The following ERICH5 variants were observed in gnomAD, a reference collection of about 807,000 sequenced individuals.
The protein encoded by ERICH5 is glutamate-rich protein 5.
ERICH5 carries 24 observed loss-of-function variants against 28.0 expected under a neutral mutation model. The observed-to-expected ratio is 0.86, with a 90% CI of 0.62 to 1.21. The LOEUF is 1.21. ERICH5 is among the 50% of genes most tolerant of loss of function. The pLI is 0.00. For missense variants in ERICH5, 421 were observed against 441.2 expected (o/e 0.95, Z 0.41); for synonymous variants, 163 against 157.6 (o/e 1.03, Z -0.25).
chr8:98,089,537 G>A lies in ERICH5; in HGVS notation c.520G>A (p.Glu174Lys), dbSNP rs1238661924. 1.2e-6 allele frequency: 2 copies of A among 1,614,042 alleles called. No homozygotes were observed. Among genetic ancestry groups the A allele is most frequent in the East Asian group, 2.2e-5 (1 of 44,900 alleles). ...AGAGAAGGACTCTCTCAGAGCAGTG[G>A]AGGTCACTGAGAATCCACAAACTGC... Reference protein sequence around the residue: ...AVEKDSLRAVEVTENPQTAAE... With the variant: ...AVEKDSLRAVKVTENPQTAAE... The change falls in exon 2 of 3, where the codon GAG (glutamate) becomes AAG (lysine). Residue 174 changes from glutamate (E) to lysine (K), a missense_variant. Physicochemically the swap from Glu to Lys is moderately conservative, Grantham distance 56. Transcript: ENST00000318528.
Position 98,085,136 on chromosome 8 carries a change from C to CTTTTTTTTTTTTTTTTTTTTTTTTTTTTT in ERICH5, c.59-3926_59-3898dup. On this transcript the variant is annotated intron_variant, in intron 1 of 2. Coordinates refer to ENST00000318528, the MANE Select transcript of ERICH5 (RefSeq NM_173549.3). ...TTCCCTGGTGTGAACGTTCCACAGCCTTTTTTTTTTTTTTTTTTTTTTTTT... is the reference window on the plus strand; with the variant it reads ...TTCCCTGGTGTGAACGTTCCACAGCCTTTTTTTTTTTTTTTTTTTTTTTTTTTTTTTTTTTTTTTTTTTTTTTTTTTTTT... 3.5e-5 allele frequency among the ~76,000 whole-genome samples: 2 copies of CTTTTTTTTTTTTTTTTTTTTTTTTTTTTT among 57,240 alleles called. 1 individual carries two copies. Among genetic ancestry groups the CTTTTTTTTTTTTTTTTTTTTTTTTTTTTT allele is most frequent in the Non-Finnish European group, 7.0e-5 (2 of 28,396 alleles). 37.6% of individuals were successfully genotyped at this position (57,240 alleles called of 152,430 possible). A position where few individuals can be genotyped will look rare whatever the true frequency, so the allele number is the denominator to read the frequency against.
At chr8:98,088,068 T>A (rs2130531877) in intron 1 of ERICH5, among the ~76,000 whole-genome samples, 1 of 151,674 alleles carries the variant, frequency 6.6e-6, no homozygotes, top group Non-Finnish European at 1.5e-5. Flanking sequence ...AATAGAAAAG[T>A]AAAACAAAAA....
intron 1 of ERICH5, among the ~76,000 whole-genome samples, chr8:98,068,906 G>T (rs764280333): frequency 6.6e-6 from 1 of 152,078 alleles, no homozygotes; most frequent in South Asian, 2.1e-4. Context: ...CTGTCCATGC[G>T]GCCTAGGCAA....
At position 98,093,289 on chromosome 8, in the gene ERICH5, G is replaced by A. The variant is rs759622161; in HGVS notation, c.1081G>A (p.Glu361Lys). ...AGTGAGTGAAGGGGCTGAAACCAAAGAAGAAGAAACAGGAGAAGTGGTGGA... is the reference window on the plus strand; with the variant it reads ...AGTGAGTGAAGGGGCTGAAACCAAAAAAGAAGAAACAGGAGAAGTGGTGGA... ...EKVSEGAETKEEETGEVVDLS... is the reference protein window; with the variant it reads ...EKVSEGAETKKEETGEVVDLS... The change falls in exon 3 of 3, where the codon GAA becomes AAA. Residue 361 changes from glutamate to lysine, a missense_variant. Physicochemically the swap from Glu to Lys is moderately conservative, Grantham distance 56 (BLOSUM62 1). Transcript: ENST00000318528. 7 of 1,613,780 alleles carry A rather than the reference G, an allele frequency of 4.3e-6. No homozygotes were observed. Among genetic ancestry groups the A allele is most frequent in the Non-Finnish European group, 5.9e-6 (7 of 1,179,780 alleles).
rs1815343944 is a variant in ERICH5, at chr8:98,089,561, G to C, written c.544G>C (p.Ala182Pro). ...GGAGGTCACTGAGAATCCACAAACT[G>C]CTGCAGAGATGAAGCCTCTAGGAAC... ...AVEVTENPQTAAEMKPLGTTE... is the reference protein window; with the variant it reads ...AVEVTENPQTPAEMKPLGTTE... Residue 182 changes from alanine (A) to proline (P), a missense_variant, in exon 2 of 3, where the codon GCT becomes CCT. Ala to Pro is a conservative substitution (Grantham distance 27, BLOSUM62 -1). Coordinates refer to ENST00000318528, the MANE Select transcript of ERICH5 (RefSeq NM_173549.3). 6.2e-7 allele frequency: 1 copy of C among 1,614,182 alleles called. No individual in the cohort carries two copies. The highest frequency in any genetic ancestry group is 1.3e-5 in the African/African-American group (1 of 75,062).
rs1410973363 is a variant in ERICH5 at position 98,064,630 on chromosome 8, C to T, written c.-40C>T. 6.8e-7 allele frequency: 1 copy of T among 1,473,760 alleles called. No individual in the cohort carries two copies. The highest frequency in any genetic ancestry group is 2.2e-5 in the Admixed American group (1 of 45,728). The allele number at this position is 1,473,760 out of a possible 1,614,324, so 91.3% of individuals were successfully genotyped here. On this transcript the variant is annotated 5_prime_UTR_variant, in exon 1 of 3. Transcript: ENST00000318528. The stretch of plus-strand genomic sequence containing the variant: ...CCTTCGGTTCCCGGTTCCGGGCCGA[C>T]ACCCGCGCAGGGCTGAGACAGGTGT...
intron 2 of ERICH5, among the ~76,000 whole-genome samples, chr8:98,091,981 T>C (rs1815416111): frequency 7.1e-6 from 1 of 140,418 alleles, no homozygotes. Context: ...CTTTTTCTTC[T>C]CTCTCTCTCT....
chr8:98,067,561 C>G (rs892751992), intron 1 of ERICH5, among the ~76,000 whole-genome samples: 1 of 151,958 alleles, frequency 6.6e-6, no homozygotes, highest in South Asian at 2.1e-4. Flanking sequence ...TGTGTGGTCA[C>G]CCACTATCTA....
At chr8:98,066,957 C>T (rs1383133925) in intron 1 of ERICH5, among the ~76,000 whole-genome samples, 1 of 152,198 alleles carries the variant, frequency 6.6e-6, no homozygotes, top group Non-Finnish European at 1.5e-5. Context: ...ATTCACTGTA[C>T]TCTCAGTGCC....
At chr8:98,092,164 AT>A (rs965051498) in intron 2 of ERICH5, among the ~76,000 whole-genome samples, 27 of 150,466 alleles carry the variant, frequency 1.8e-4, no homozygotes, top group Non-Finnish European at 3.1e-4. Context: ...TGCCTGGCTA[AT>A]TTTTTTTTCT....
chr8:98,093,288 A>G lies in ERICH5; in HGVS notation c.1080A>G (p.Lys360=), dbSNP rs774445290. 1.2e-6 allele frequency: 2 copies of G among 1,613,908 alleles called. No homozygotes were observed. Among genetic ancestry groups the G allele is most frequent in the South Asian group, 2.2e-5 (2 of 91,046 alleles). ...NEKVSEGAET[K]EEETGEVVDL... ...AAGTGAGTGAAGGGGCTGAAACCAAAGAAGAAGAAACAGGAGAAGTGGTGG... is the reference window on the plus strand; with the variant it reads ...AAGTGAGTGAAGGGGCTGAAACCAAGGAAGAAGAAACAGGAGAAGTGGTGG... Residue 360 remains lysine, a synonymous_variant, in exon 3 of 3, where the codon AAA becomes AAG. Transcript: ENST00000318528.
intron 1 of ERICH5, among the ~76,000 whole-genome samples, chr8:98,083,613 C>T (rs1815219348): frequency 2.0e-5 from 3 of 152,168 alleles, no homozygotes; most frequent in African/African-American, 7.2e-5. Flanking sequence ...CATGCACACA[C>T]ACACACACCA....
chr8:98,065,371 C>G (rs1318036956), intron 1 of ERICH5, among the ~76,000 whole-genome samples: 1 of 152,232 alleles, frequency 6.6e-6, no homozygotes, highest in Non-Finnish European at 1.5e-5. Context: ...GTCAGACACA[C>G]TTTCCCCTAT....
chr8:98,083,882 C>T lies in ERICH5; in HGVS notation c.59-5194C>T, dbSNP rs546844801. ...AATCCATCTATCCCTCTTCCCATCC[C>T]TCGAACACATATTTTTAGAGACAGG... is the stretch of plus-strand genomic sequence containing the variant. On this transcript the variant is annotated intron_variant, in intron 1 of 2. Coordinates refer to ENST00000318528, the MANE Select transcript of ERICH5 (RefSeq NM_173549.3). Among the ~76,000 whole-genome samples, 8 of 152,072 alleles carry T rather than the reference C, an allele frequency of 5.3e-5. No homozygotes were observed. The South Asian group carries it at 1.0e-3, about 20-fold the overall frequency.
At chr8:98,092,923 G>A (rs1377479384) in intron 2 of ERICH5, among the ~76,000 whole-genome samples, 1 of 151,820 alleles carries the variant, frequency 6.6e-6, no homozygotes, top group Non-Finnish European at 1.5e-5. Flanking sequence ...TTACAGGCTT[G>A]TGCCACCATG....
At position 98,089,473 on chromosome 8, in the gene ERICH5, A is replaced by G; in HGVS notation, c.456A>G (p.Leu152=). 1 of 1,614,242 alleles carries G rather than the reference A, an allele frequency of 6.2e-7. No individual in the cohort carries two copies. The highest frequency in any genetic ancestry group is 8.5e-7 in the Non-Finnish European group (1 of 1,180,038). Residue 152 remains leucine (L), a synonymous_variant, in exon 2 of 3, where the codon TTA becomes TTG. Coordinates refer to ENST00000318528, the MANE Select transcript of ERICH5 (RefSeq NM_173549.3). ...AAGGAAATGCTGAAGCTCAGCCTTT[A>G]GGACCAGAAGCCAAGGGTCAGCCTT... is the stretch of plus-strand genomic sequence containing the variant. ...SLKGNAEAQP[L]GPEAKGQPLQ...
intron 1 of ERICH5, among the ~76,000 whole-genome samples, chr8:98,080,640 CCTT>C (rs1815164438): frequency 6.6e-6 from 1 of 151,210 alleles, no homozygotes; most frequent in African/African-American, 2.4e-5. Flanking sequence ...ACCTTCTTCT[CCTT>C]CTCCTTCTTC....
At chr8:98,088,002 A>G (rs1815311050) in intron 1 of ERICH5, among the ~76,000 whole-genome samples, 1 of 152,138 alleles carries the variant, frequency 6.6e-6, no homozygotes, top group African/African-American at 2.4e-5. Flanking sequence ...CAGGAGGATC[A>G]CTTGAGCCCA....
chr8:98,086,044 A>G (rs1815271425), intron 1 of ERICH5, among the ~76,000 whole-genome samples: 1 of 152,226 alleles, frequency 6.6e-6, no homozygotes, highest in African/African-American at 2.4e-5. Context: ...TTTTCATTAT[A>G]AATAATCATT....
Sources: gnomAD v4.1 joint callset for allele counts (sites outside exome capture counted in the v4.1 genomes callset) on GRCh38, gnomAD v4.1.1 for gene constraint, MANE v1.5 for transcripts, NCBI Gene and HGNC (gene_info 2026-07-23, HGNC 2026-07-21) for gene names.